Variants in SMCHD1 observed in about 807,000 individuals in gnomAD.
The protein encoded by SMCHD1 is structural maintenance of chromosomes flexible hinge domain containing 1.
In SMCHD1, 78 loss-of-function variants were observed where a neutral mutation model predicts 254.7. That is an observed-to-expected ratio of 0.31 (90% CI 0.26 to 0.37). The LOEUF (loss-of-function observed/expected upper bound fraction) is 0.37. Ranked by LOEUF, SMCHD1 falls within the 10% of genes least tolerant of loss-of-function variation. The pLI, the probability that SMCHD1 is intolerant of heterozygous loss-of-function variation, is 1.00. For missense variants in SMCHD1, 1,840 were observed against 2,408.1 expected (o/e 0.76, Z 4.94); for synonymous variants, 766 against 794.9 (o/e 0.96, Z 0.61).
At chr18:2,714,251 CTG>C (rs1215653541) in intron 17 of SMCHD1, among the ~76,000 whole-genome samples, 1 of 151,864 alleles carries the variant, frequency 6.6e-6, no homozygotes, top group Non-Finnish European at 1.5e-5. Flanking sequence ...ATTTTTTTAA[CTG>C]TTGTTGATTT....
At chr18:2,727,066 A>G (rs1336796754) in intron 22 of SMCHD1, 1 of 152,910 alleles carries the variant, frequency 6.5e-6, no homozygotes, top group Non-Finnish European at 1.5e-5. Flanking sequence ...CATGTGTAAA[A>G]TGAGATAATA....
chr18:2,664,122 A>C lies in SMCHD1; in HGVS notation c.187-2035A>C, dbSNP rs991962539. On this transcript the variant is annotated intron_variant, in intron 1 of 47. Transcript: ENST00000320876. ...ACTCATCCAGATTCAAGTTAATAGG[A>C]ATTTACCACACTAGGATCATTTTTG... Among the ~76,000 whole-genome samples the C allele has an allele frequency of 2.6e-5, 4 of 152,136 alleles. No homozygotes were observed. The East Asian group carries it at 7.7e-4, about 29-fold the overall frequency.
Position 2,707,841 on chromosome 18 carries a change from G to A in SMCHD1, c.2181G>A (p.Gly727=), listed in dbSNP as rs764631816. Residue 727 remains glycine, a synonymous_variant, in exon 17 of 48, where the codon GGG becomes GGA. Transcript: ENST00000320876. ...GAATTGAAATACTGAATAAAAAAGG[G>A]GAAGCAATGCAAAAGCTTCCAGGAA... ...ALRIEILNKK[G]EAMQKLPGTS... is the part of the protein sequence containing the mutation. The A allele has an allele frequency of 3.5e-5, 56 of 1,608,484 alleles. No individual in the cohort carries two copies. In the South Asian group the frequency reaches 5.0e-4, roughly 14 times the overall value.
chr18:2,797,038 AATT>A (rs1273004716), intron 47 of SMCHD1, among the ~76,000 whole-genome samples: 1 of 152,196 alleles, frequency 6.6e-6, no homozygotes, highest in Non-Finnish European at 1.5e-5. Context: ...AACTTGTGCT[AATT>A]ATTTAGAAAT....
intron 7 of SMCHD1, among the ~76,000 whole-genome samples, chr18:2,692,945 G>A (rs1355516011): frequency 6.6e-6 from 1 of 152,190 alleles, no homozygotes; most frequent in Non-Finnish European, 1.5e-5. Flanking sequence ...TGCATCGTTA[G>A]TAAATTCAGA....
Position 2,706,431 on chromosome 18 carries a change from A to C in SMCHD1, c.2024A>C (p.Glu675Ala). The C allele has an allele frequency of 5.0e-6, 8 of 1,592,614 alleles. No homozygotes were observed. The highest frequency in any genetic ancestry group is 6.0e-6 in the Non-Finnish European group (7 of 1,168,952). Residue 675 changes from glutamate (E) to alanine (A), a missense_variant, in exon 15 of 48, where the codon GAG becomes GCG. Transcript: ENST00000320876. ...GCAAAGCTGGATAGGACAGTTGCTG[A>C]GAAAGCTGTTAAAAAATATGTAGAA... ...PIAKLDRTVA[E>A]KAVKKYVEDE... is the part of the protein sequence containing the mutation.
At chr18:2,712,087 C>G (rs988019987) in intron 17 of SMCHD1, among the ~76,000 whole-genome samples, 1 of 152,182 alleles carries the variant, frequency 6.6e-6, no homozygotes, top group Admixed American at 6.5e-5. Context: ...ATAAATTATT[C>G]AGCCTCAGGT....
intron 35 of SMCHD1, among the ~76,000 whole-genome samples, chr18:2,761,555 G>C (rs1019347114): frequency 6.6e-6 from 1 of 152,116 alleles, no homozygotes; most frequent in Non-Finnish European, 1.5e-5. Flanking sequence ...AGTGGCTCAC[G>C]CCTGTAATCC....
chr18:2,777,804 A>G lies in SMCHD1; in HGVS notation c.5367-2A>G. ...ATCTTTTTAAAATTTCTTTTTATTT[A>G]GATCTCTACCTCATTTCCGAAATGG... On this transcript the variant is annotated splice_acceptor_variant, in intron 42 of 47. Transcript: ENST00000320876. LOFTEE classifies it high-confidence loss of function. The G allele has an allele frequency of 1.3e-6, 2 of 1,482,812 alleles. No homozygotes were observed. The highest frequency in any genetic ancestry group is 1.8e-6 in the Non-Finnish European group (2 of 1,103,612). 91.9% of individuals were successfully genotyped at this position (1,482,812 alleles called of 1,614,324 possible). A position where few individuals can be genotyped will look rare whatever the true frequency, so the allele number is the denominator to read the frequency against.
intron 7 of SMCHD1, among the ~76,000 whole-genome samples, chr18:2,691,312 G>C (rs576140806): frequency 6.6e-6 from 1 of 152,266 alleles, no homozygotes; most frequent in East Asian, 1.9e-4. Context: ...TTTTCTGCCA[G>C]CCTTTTCTGT....
intron 34 of SMCHD1, among the ~76,000 whole-genome samples, chr18:2,755,117 C>CA (rs991912821): frequency 2.0e-5 from 3 of 151,950 alleles, no homozygotes; most frequent in Non-Finnish European, 4.4e-5. Flanking sequence ...TGCAGTGGTG[C>CA]AATCATGGCT....
At chr18:2,674,181 C>T (rs2073686247) in intron 5 of SMCHD1, 36 bp downstream of exon 5, 1 of 1,523,016 alleles carries the variant, frequency 6.6e-7, no homozygotes, top group East Asian at 2.3e-5. Context: ...TTGTGGGTAG[C>T]TATGTATTTT....
intron 45 of SMCHD1, among the ~76,000 whole-genome samples, chr18:2,788,553 TCA>T (rs1446599685): frequency 6.6e-6 from 1 of 152,220 alleles, no homozygotes; most frequent in Non-Finnish European, 1.5e-5. Context: ...GAGCATTGTA[TCA>T]CTTTTATAAT....
chr18:2,685,067 A>G (rs2074012293), intron 5 of SMCHD1, among the ~76,000 whole-genome samples: 2 of 149,084 alleles, frequency 1.3e-5, no homozygotes, highest in South Asian at 2.1e-4. Flanking sequence ...CTGTTTTCCA[A>G]CAGCACACTG....
At chr18:2,668,498 T>A (rs950534136) in intron 3 of SMCHD1, among the ~76,000 whole-genome samples, 1 of 152,204 alleles carries the variant, frequency 6.6e-6, no homozygotes, top group African/African-American at 2.4e-5. Flanking sequence ...GCATTTAAAC[T>A]TTAGGAGAGT....
At chr18:2,704,308 T>G (rs1368566704) in intron 13 of SMCHD1, among the ~76,000 whole-genome samples, 1 of 152,216 alleles carries the variant, frequency 6.6e-6, no homozygotes, top group Non-Finnish European at 1.5e-5. Flanking sequence ...AACTAAACTT[T>G]ACTCACATGG....
At chr18:2,750,157 T>A (rs756172154) in intron 31 of SMCHD1, 35 bp downstream of exon 31, 7 of 1,546,672 alleles carry the variant, frequency 4.5e-6, no homozygotes, top group Admixed American at 2.0e-5. Context: ...GTTGGTGTTA[T>A]AGAGATTCGT....
At chr18:2,752,240 T>A (rs1230932967) in intron 33 of SMCHD1, among the ~76,000 whole-genome samples, 1 of 152,168 alleles carries the variant, frequency 6.6e-6, no homozygotes, top group African/African-American at 2.4e-5. Flanking sequence ...GTATTATCTT[T>A]AAATAATATC....
At chr18:2,747,063 T>C (rs191927897) in intron 29 of SMCHD1, among the ~76,000 whole-genome samples, 31 of 152,302 alleles carry the variant, frequency 2.0e-4, no homozygotes, top group African/African-American at 7.0e-4. Context: ...GAAGCTAAAC[T>C]ACAGATTGCC....
Sources: allele counts gnomAD v4.1 joint callset (sites outside exome capture counted in the v4.1 genomes callset), GRCh38; gene constraint gnomAD v4.1.1; transcripts MANE v1.5; gene names NCBI Gene and HGNC (gene_info 2026-07-23, HGNC 2026-07-21).